The following FAM210B variants were observed in gnomAD, a reference collection of about 807,000 sequenced individuals.
FAM210B encodes the protein family with sequence similarity 210 member B.
Under a neutral mutation model 14.9 loss-of-function variants are expected in FAM210B, and 11 were observed. That is an observed-to-expected ratio of 0.74 (90% CI 0.46 to 1.22). The LOEUF is 1.22. FAM210B is among the 50% of genes most tolerant of loss of function. The pLI is 0.00. For synonymous variants in FAM210B, 113 were observed against 110.2 expected (o/e 1.03, Z -0.16); for missense variants, 229 against 250.1 (o/e 0.92, Z 0.57).
At position 56,366,154 on chromosome 20, in the gene FAM210B, C is replaced by A. The variant is rs548625773; in HGVS notation, c.446C>A (p.Thr149Asn). The A allele has an allele frequency of 3.1e-6, 5 of 1,614,178 alleles. No homozygotes were observed. The highest frequency in any genetic ancestry group is 2.2e-5 in the East Asian group (1 of 44,880). Residue 149 changes from threonine (T) to asparagine (N), a missense_variant, in exon 3 of 3, where the codon ACC becomes AAC. Coordinates refer to ENST00000371384, the MANE Select transcript of FAM210B (RefSeq NM_080821.3). The stretch of plus-strand genomic sequence containing the variant: ...TCAAAAATGGCAGCAGGCACAAGTA[C>A]CTTCGTGGTGGCCTATGCAATCCAC... ...VQSKMAAGTS[T>N]FVVAYAIHKL...
chr20:56,361,902 G>C (rs112878144), intron 1 of FAM210B, among the ~76,000 whole-genome samples: 2,027 of 152,220 alleles, frequency 0.013, 52 homozygotes, highest in African/African-American at 0.046. Context: ...GCTTGAACCC[G>C]GGAGGCGGAG....
intron 1 of FAM210B, 46 bp from the exon 2 acceptor site, chr20:56,365,041 C>A: frequency 6.4e-7 from 1 of 1,570,436 alleles, no homozygotes; most frequent in Admixed American, 1.9e-5. Context: ...GTAATGACTG[C>A]CCGTGCCTGC....
rs561442242 is a variant in FAM210B, at chr20:56,360,954, G to A, written c.186+1763G>A. Reference sequence around the variant, plus strand: ...AGGTAGGAGTGTGCTGCCCAGCTGGGCTCTCCAAATTTGCCAGGTGTTTAA... The same window carrying A: ...AGGTAGGAGTGTGCTGCCCAGCTGGACTCTCCAAATTTGCCAGGTGTTTAA... On this transcript the variant is annotated intron_variant, in intron 1 of 2. Transcript: ENST00000371384. Among the ~76,000 whole-genome samples the A allele has an allele frequency of 2.0e-5, 3 of 152,318 alleles. No homozygotes were observed. In the South Asian group the frequency reaches 6.2e-4, roughly 32 times the overall value.
intron 1 of FAM210B, chr20:56,360,332 C>T (rs1034217218): frequency 2.2e-6 from 1 of 445,660 alleles, no homozygotes; most frequent in African/African-American, 2.0e-5. Context: ...TCTCGGATGC[C>T]TCCACTGGGC....
chr20:56,361,783 C>T (rs1415815368), intron 1 of FAM210B, among the ~76,000 whole-genome samples: 4 of 152,126 alleles, frequency 2.6e-5, no homozygotes, highest in African/African-American at 4.8e-5. Flanking sequence ...TCGAGACCAG[C>T]CTGGCTAACA....
chr20:56,359,007 TG>T lies in FAM210B; in HGVS notation c.4del (p.Ala2?). On this transcript the variant is annotated frameshift_variant and start_lost, in exon 1 of 3. Transcript: ENST00000371384. LOFTEE classifies it high-confidence loss of function. This position sits in a 1 kb window ranked among gnomAD's most constrained non-coding sequence, Gnocchi z 4.3. Reference protein sequence around the residue: MAGLLALLGPA... With the variant: XAGLLALLGPA... ...GGGTGCTGCGCCTAGCTGCGCACCA[TG>T]GCCGGGTTGCTGGCGTTGCTGGGTC... 2 of 1,305,708 alleles carry T rather than the reference TG, an allele frequency of 1.5e-6. No individual in the cohort carries two copies. The highest frequency in any genetic ancestry group is 9.8e-7 in the Non-Finnish European group (1 of 1,021,760). The allele number at this position is 1,305,708 out of a possible 1,614,324, so 80.9% of individuals were successfully genotyped here.
Position 56,358,988 on chromosome 20 carries a change from T to G in FAM210B, c.-18T>G. The G allele has an allele frequency of 2.4e-6, 3 of 1,226,432 alleles. No homozygotes were observed. The highest frequency in any genetic ancestry group is 3.0e-6 in the Non-Finnish European group (3 of 983,898). 76.0% of individuals were successfully genotyped at this position (1,226,432 alleles called of 1,614,324 possible). A position where few individuals can be genotyped will look rare whatever the true frequency, so the allele number is the denominator to read the frequency against. The stretch of plus-strand genomic sequence containing the variant: ...CCTCCCGGGTCAGCGGCGCGGGTGC[T>G]GCGCCTAGCTGCGCACCATGGCCGG... On this transcript the variant is annotated 5_prime_UTR_variant, in exon 1 of 3. Coordinates refer to ENST00000371384, the MANE Select transcript of FAM210B (RefSeq NM_080821.3).
In FAM210B at chr20:56,366,306, A is replaced by G. The variant is rs193173527; in HGVS notation, c.*19A>G. The G allele has an allele frequency of 3.8e-5, 60 of 1,597,366 alleles. No individual in the cohort carries two copies. The East Asian group carries it at 1.2e-3, about 33-fold the overall frequency. On this transcript the variant is annotated 3_prime_UTR_variant, in exon 3 of 3. Transcript: ENST00000371384. ...ACCTTAATGAACTCTTCAGTCGTAC[A>G]CACTGAAAACCTATTTCTTCTAAAT...
chr20:56,364,257 A>G lies in FAM210B; in HGVS notation c.187-830A>G, dbSNP rs1983587076. Among the ~76,000 whole-genome samples, 5 of 152,186 alleles carry G rather than the reference A, an allele frequency of 3.3e-5. No individual in the cohort carries two copies. The South Asian group carries it at 1.0e-3, about 32-fold the overall frequency. On this transcript the variant is annotated intron_variant, in intron 1 of 2. Transcript: ENST00000371384. ...CACTAAAGTCAAGGTCTCAGCAGAG[A>G]TGGGTCCTTCTAGGGGCTCGAATCC...
At chr20:56,361,901 C>T (rs749857834) in intron 1 of FAM210B, among the ~76,000 whole-genome samples, 6 of 152,060 alleles carry the variant, frequency 3.9e-5, no homozygotes, top group African/African-American at 1.2e-4. Flanking sequence ...CGCTTGAACC[C>T]GGGAGGCGGA....
chr20:56,359,651 A>C lies in FAM210B; in HGVS notation c.186+460A>C, dbSNP rs1983492110. Among the ~76,000 whole-genome samples, 2 of 152,336 alleles carry C rather than the reference A, an allele frequency of 1.3e-5. No homozygotes were observed. The highest frequency in any genetic ancestry group is 4.1e-4 in the South Asian group (2 of 4,832). On this transcript the variant is annotated intron_variant, in intron 1 of 2. Transcript: ENST00000371384. This position sits in a 1 kb window ranked among gnomAD's most constrained non-coding sequence, Gnocchi z 4.3. ...GGGAAGCCGCGGGCAAGAAACCCAC[A>C]GTGCTGTTTGTTATGTTTCATTTCC...
At position 56,362,825 on chromosome 20, in the gene FAM210B, G is replaced by A. The variant is rs1327882591; in HGVS notation, c.187-2262G>A. 1.3e-5 allele frequency among the ~76,000 whole-genome samples: 2 copies of A among 152,208 alleles called. No homozygotes were observed. Among genetic ancestry groups the A allele is most frequent in the Non-Finnish European group, 2.9e-5 (2 of 68,040 alleles). ...GCCAAAATAAAGACTATAAAGAAGAGGGCCCTCGCAGAGACAGCTGCAGTC... is the reference window on the plus strand; with the variant it reads ...GCCAAAATAAAGACTATAAAGAAGAAGGCCCTCGCAGAGACAGCTGCAGTC... On this transcript the variant is annotated intron_variant, in intron 1 of 2. Transcript: ENST00000371384. The surrounding 1 kb of genome is among the most constrained non-coding windows in gnomAD (Gnocchi z 4.8).
At chr20:56,364,985 C>T (rs764672744) in intron 1 of FAM210B, 102 bp from the exon 2 acceptor site, 19 of 1,139,886 alleles carry the variant, frequency 1.7e-5, no homozygotes, top group Non-Finnish European at 2.3e-5. Context: ...ACTGATCTCT[C>T]ATCCAGCAGG....
Position 56,368,144 on chromosome 20 carries a change from A to G in FAM210B, c.*1857A>G, listed in dbSNP as rs2146111031. On this transcript the variant is annotated 3_prime_UTR_variant, in exon 3 of 3. Coordinates refer to ENST00000371384, the MANE Select transcript of FAM210B (RefSeq NM_080821.3). ...CATTGCCAAAAGGTTTTACTGTCTT[A>G]AAGCTGTCTTTCTGAGATCTAATTC... 1 of 152,776 alleles carries G rather than the reference A, an allele frequency of 6.5e-6. No homozygotes were observed. Among genetic ancestry groups the G allele is most frequent in the Middle Eastern group, 3.4e-3 (1 of 294 alleles). 9.5% of individuals were successfully genotyped at this position (152,776 alleles called of 1,614,324 possible). A position where few individuals can be genotyped will look rare whatever the true frequency, so the allele number is the denominator to read the frequency against.
intron 1 of FAM210B, among the ~76,000 whole-genome samples, chr20:56,361,673 CT>C (rs1400866911): frequency 6.6e-6 from 1 of 152,110 alleles, no homozygotes; most frequent in Non-Finnish European, 1.5e-5. Context: ...TTAATATTTC[CT>C]TTTTTTAAAA....
At chr20:56,364,590 T>C (rs6024832) in intron 1 of FAM210B, among the ~76,000 whole-genome samples, 26,782 of 152,058 alleles carry the variant, frequency 0.18, 2,539 homozygotes, top group Middle Eastern at 0.21. Context: ...ATCTTTGGAG[T>C]CATCATTCTG....
intron 1 of FAM210B, among the ~76,000 whole-genome samples, chr20:56,364,229 A>C (rs933437592): frequency 2.6e-5 from 4 of 152,210 alleles, no homozygotes; most frequent in African/African-American, 9.7e-5. Flanking sequence ...ATGGGTCTTA[A>C]TGCACTAAAG....
rs1272325324 is a variant in FAM210B at position 56,368,106 on chromosome 20, A to C, written c.*1819A>C. ...GTCTTTCAGGTAGAACTCTTCTTTT[A>C]AGGCAATTAGCCCATTGCCAAAAGG... On this transcript the variant is annotated 3_prime_UTR_variant, in exon 3 of 3. Transcript: ENST00000371384. The C allele has an allele frequency of 6.6e-6, 1 of 152,654 alleles. No homozygotes were observed. Among genetic ancestry groups the C allele is most frequent in the African/African-American group, 2.4e-5 (1 of 41,458 alleles). The allele number at this position is 152,654 out of a possible 1,614,324, so 9.5% of individuals were successfully genotyped here. A position where few individuals can be genotyped will look rare whatever the true frequency, so the allele number is the denominator to read the frequency against.
rs898150168 is a variant in FAM210B at position 56,363,108 on chromosome 20, G to A, written c.187-1979G>A. On this transcript the variant is annotated intron_variant, in intron 1 of 2. Coordinates refer to ENST00000371384, the MANE Select transcript of FAM210B (RefSeq NM_080821.3). The surrounding 1 kb of genome is among the most constrained non-coding windows in gnomAD (Gnocchi z 4.1). ...GGTCACATGTGCTGGCCAAAGAAAG[G>A]GGGGCTGATGACATCTTCCCTCCTC... Among the ~76,000 whole-genome samples, 1 of 152,206 alleles carries A rather than the reference G, an allele frequency of 6.6e-6. No homozygotes were observed. Among genetic ancestry groups the A allele is most frequent in the African/African-American group, 2.4e-5 (1 of 41,460 alleles).
Sources: gnomAD v4.1 joint callset for allele counts (sites outside exome capture counted in the v4.1 genomes callset) on GRCh38, gnomAD v4.1.1 for gene constraint, Gnocchi (gnomAD v3.1) non-coding constraint, MANE v1.5 for transcripts, NCBI Gene and HGNC (gene_info 2026-07-23, HGNC 2026-07-21) for gene names.